TNNI3K: variants seen among roughly 807,000 people sequenced by gnomAD.
The protein encoded by TNNI3K is serine/threonine-protein kinase TNNI3K.
TNNI3K carries 140 observed loss-of-function variants against 114.5 expected under a neutral mutation model. The observed-to-expected ratio is 1.22, with a 90% CI of 1.07 to 1.41. The LOEUF (loss-of-function observed/expected upper bound fraction) is 1.41. Among genes scored for constraint, TNNI3K ranks in the 40% most tolerant of loss-of-function variants. The pLI is 0.00. For missense variants in TNNI3K, 1,125 were observed against 1,007.6 expected (o/e 1.12, Z -1.58); for synonymous variants, 347 against 347.5 (o/e 1.00, Z 0.02).
chr1:74,394,103 C>G (rs1278660586), intron 17 of TNNI3K, among the ~76,000 whole-genome samples: 3 of 152,136 alleles, frequency 2.0e-5, no homozygotes, highest in African/African-American at 7.2e-5. Context: ...AAATATTGAT[C>G]AAAATGGTTG....
At chr1:74,370,477 T>G in intron 17 of TNNI3K, 85 bp downstream of exon 17, 1 of 1,214,780 alleles carries the variant, frequency 8.2e-7, no homozygotes, top group Non-Finnish European at 1.2e-6. Context: ...CATTTTAGAC[T>G]TATTGCAGAT....
At chr1:74,451,349 G>T (rs2100697548) in intron 20 of TNNI3K, among the ~76,000 whole-genome samples, 1 of 152,132 alleles carries the variant, frequency 6.6e-6, no homozygotes, top group Non-Finnish European at 1.5e-5. Context: ...CATGGTACAT[G>T]TTTACTTATG....
chr1:74,538,181 GT>G (rs1431038602), intron 23 of TNNI3K, among the ~76,000 whole-genome samples: 1 of 152,104 alleles, frequency 6.6e-6, no homozygotes, highest in Non-Finnish European at 1.5e-5. Flanking sequence ...GCAAAATTCA[GT>G]TTTTTAGTCT....
At chr1:74,337,486 A>C (rs12759644) in intron 7 of TNNI3K, among the ~76,000 whole-genome samples, 90,373 of 151,910 alleles carry the variant, frequency 0.59, 30,428 homozygotes, top group East Asian at 0.82. Context: ...GGTTATTAGG[A>C]GCTCCAGTGA....
chr1:74,309,620 G>A (rs961582054), intron 5 of TNNI3K, among the ~76,000 whole-genome samples: 5 of 151,942 alleles, frequency 3.3e-5, no homozygotes, highest in Admixed American at 3.3e-4. Flanking sequence ...ACAACAAAAT[G>A]GACTTTATTC....
intron 4 of TNNI3K, among the ~76,000 whole-genome samples, chr1:74,256,672 A>G (rs1182524375): frequency 6.6e-6 from 1 of 152,008 alleles, no homozygotes; most frequent in Non-Finnish European, 1.5e-5. Context: ...GATTCTCAAC[A>G]TTTCATAGTC....
chr1:74,518,920 T>C (rs1646391101), intron 23 of TNNI3K, among the ~76,000 whole-genome samples: 1 of 120,346 alleles, frequency 8.3e-6, no homozygotes, highest in Non-Finnish European at 1.6e-5. Context: ...TTAGGGTACA[T>C]GTGCACATTG....
At chr1:74,415,636 A>G (rs1173745898) in intron 17 of TNNI3K, among the ~76,000 whole-genome samples, 1 of 151,588 alleles carries the variant, frequency 6.6e-6, no homozygotes, top group Non-Finnish European at 1.5e-5. Context: ...CTAATTTCTG[A>G]TTTTTATACT....
At chr1:74,249,615 A>G in intron 3 of TNNI3K, 71 bp downstream of exon 3, 3 of 1,445,494 alleles carry the variant, frequency 2.1e-6, no homozygotes, top group Non-Finnish European at 2.8e-6. Flanking sequence ...GAGCTGCTTA[A>G]TAGTCTGCAA....
intron 23 of TNNI3K, among the ~76,000 whole-genome samples, chr1:74,504,753 C>G (rs926383090): frequency 6.6e-6 from 1 of 152,012 alleles, no homozygotes; most frequent in Admixed American, 6.6e-5. Context: ...GAATGAGATG[C>G]AGCTCTCACC....
chr1:74,323,885 A>G (rs1386767467), intron 5 of TNNI3K, among the ~76,000 whole-genome samples: 2 of 152,216 alleles, frequency 1.3e-5, no homozygotes, highest in African/African-American at 4.8e-5. Flanking sequence ...CACTTAAGAG[A>G]TGAACCGAAA....
At chr1:74,280,927 G>A (rs952648738) in intron 5 of TNNI3K, among the ~76,000 whole-genome samples, 2 of 151,986 alleles carry the variant, frequency 1.3e-5, no homozygotes, top group Admixed American at 6.6e-5. Flanking sequence ...GCTTGGGAAC[G>A]GGAGAAGGAA....
chr1:74,515,933 G>T (rs535281902), intron 23 of TNNI3K, among the ~76,000 whole-genome samples: 2 of 152,130 alleles, frequency 1.3e-5, no homozygotes, highest in Admixed American at 1.3e-4. Flanking sequence ...TGCCTTCAAG[G>T]TTCTGATGTC....
Position 74,280,049 on chromosome 1 carries a change from T to C in TNNI3K, c.444+8341T>C, listed in dbSNP as rs531611301. Among the ~76,000 whole-genome samples the C allele has an allele frequency of 3.6e-3, 4 of 1,120 alleles. No homozygotes were observed. The South Asian group carries it at 0.4, about 112-fold the overall frequency. The allele number at this position is 1,120 out of a possible 152,430, so 0.7% of individuals were successfully genotyped here. A position where few individuals can be genotyped will look rare whatever the true frequency, so the allele number is the denominator to read the frequency against. ...AAAGCACCTTCATAATAACCAAAAA[T>C]CAGGTGATGATCACAGTGCCTGGTT... On this transcript the variant is annotated intron_variant, in intron 5 of 24. Transcript: ENST00000326637.
intron 23 of TNNI3K, among the ~76,000 whole-genome samples, chr1:74,536,615 C>G (rs535606422): frequency 6.6e-6 from 1 of 151,982 alleles, no homozygotes; most frequent in Non-Finnish European, 1.5e-5. Context: ...AAAAACTAAC[C>G]TAAAGACTAT....
chr1:74,470,406 T>G, intron 21 of TNNI3K: 1 of 400,770 alleles, frequency 2.5e-6, no homozygotes, highest in Non-Finnish European at 4.4e-6. Context: ...TCTCTAGTGC[T>G]TCAGTGCCGT....
intron 5 of TNNI3K, among the ~76,000 whole-genome samples, chr1:74,274,115 TCATGTATTTTTAATGTTA>T (rs1397576010): frequency 6.6e-6 from 1 of 151,926 alleles, no homozygotes; most frequent in African/African-American, 2.4e-5. Flanking sequence ...CAGTCCATTA[TCATGTATTTTTAATGTTA>T]CATGTATTAT....
intron 17 of TNNI3K, among the ~76,000 whole-genome samples, chr1:74,390,591 GT>G (rs1274163678): frequency 6.6e-6 from 1 of 152,090 alleles, no homozygotes; most frequent in Non-Finnish European, 1.5e-5. Context: ...ACCAGGCACT[GT>G]GCTCAGTACT....
At chr1:74,511,049 A>G (rs1444692729) in intron 23 of TNNI3K, among the ~76,000 whole-genome samples, 3 of 151,026 alleles carry the variant, frequency 2.0e-5, no homozygotes, top group South Asian at 2.1e-4. Flanking sequence ...CACCATGCCC[A>G]GCTAATGTTT....
Sources: gnomAD v4.1 joint callset for allele counts (sites outside exome capture counted in the v4.1 genomes callset) on GRCh38, gnomAD v4.1.1 for gene constraint, MANE v1.5 for transcripts, NCBI Gene and HGNC (gene_info 2026-07-23, HGNC 2026-07-21) for gene names.